IGF2R: variants seen among roughly 807,000 people sequenced by gnomAD.
IGF2R encodes cation-independent mannose-6-phosphate receptor.
A neutral mutation model predicts 270.6 loss-of-function variants in IGF2R; 91 were observed. The observed-to-expected ratio is 0.34, with a 90% CI of 0.28 to 0.40. IGF2R has a LOEUF of 0.40. Among genes scored for constraint, IGF2R ranks in the 10% least tolerant of loss-of-function variants. IGF2R has a pLI of 1.00. For synonymous variants in IGF2R, 1,316 were observed against 1,258.9 expected (o/e 1.05, Z -0.96); for missense variants, 2,805 against 3,188.3 (o/e 0.88, Z 2.90).
intron 1 of IGF2R, among the ~76,000 whole-genome samples, chr6:159,986,419 T>A (rs1783885818): frequency 9.0e-6 from 1 of 110,728 alleles, no homozygotes; most frequent in African/African-American, 3.3e-5. Flanking sequence ...TGTGTGTGTG[T>A]GTGTGTGTGT....
rs8191779 is a variant in IGF2R at position 160,043,496 on chromosome 6, G to T, written c.1621+208G>T. 6.4e-3 allele frequency among the ~76,000 whole-genome samples: 970 copies of T among 152,326 alleles called. 6 individuals are homozygous for T. The highest frequency in any genetic ancestry group is 0.011 in the Non-Finnish European group (733 of 68,024). Reference sequence around the variant, plus strand: ...GAAGTTGGCTAGAGCTCCCTGACATGGGCTAAAGCCATAACTGGGAACAGA... The same window carrying T: ...GAAGTTGGCTAGAGCTCCCTGACATTGGCTAAAGCCATAACTGGGAACAGA... On this transcript the variant is annotated intron_variant, in intron 12 of 47. Transcript: ENST00000356956.
rs200914162 is a variant in IGF2R, at chr6:160,032,666, A to G, written c.998A>G (p.Glu333Gly). Residue 333 changes from glutamate to glycine, a missense_variant, in exon 8 of 48, where the codon GAG becomes GGG. Physicochemically the swap from Glu to Gly is moderately conservative, Grantham distance 98. Coordinates refer to ENST00000356956, the MANE Select transcript of IGF2R (RefSeq NM_000876.4). ...AGTAAAACTTGTTCTCTGAGCGGCG[A>G]GCAGCAGGATGTCTCCATAGACCTC... Reference protein sequence around the residue: ...LESKTCSLSGEQQDVSIDLTP... With the variant: ...LESKTCSLSGGQQDVSIDLTP... 2.1e-4 allele frequency: 333 copies of G among 1,614,202 alleles called. 2 individuals carry two copies. The highest frequency in any genetic ancestry group is 1.6e-4 in the Middle Eastern group (1 of 6,062).
chr6:160,047,795 G>C lies in IGF2R; in HGVS notation c.2233G>C (p.Glu745Gln), dbSNP rs1562356648. 3.7e-6 allele frequency: 6 copies of C among 1,604,630 alleles called. No homozygotes were observed. The highest frequency in any genetic ancestry group is 5.1e-6 in the Non-Finnish European group (6 of 1,171,276). Reference protein sequence around the residue: ...AGVGFPEYQEEDNSTYNFRWY... With the variant: ...AGVGFPEYQEQDNSTYNFRWY... ...CCGCGCATCTGCCGTGGATTAGGAA[G>C]AGGATAACTCCACCTACAACTTCCG... The change falls in exon 17 of 48, where the codon GAG (glutamate) becomes CAG (glutamine). Residue 745 changes from glutamate to glutamine, a missense_variant. Physicochemically the swap from Glu to Gln is conservative, Grantham distance 29 (BLOSUM62 2). This residue lies in a region of IGF2R where 954 missense variants were observed against 981.1 expected (regional missense o/e 0.97). Transcript: ENST00000356956.
intron 2 of IGF2R, among the ~76,000 whole-genome samples, chr6:160,000,840 A>G (rs1784118341): frequency 6.9e-6 from 1 of 144,928 alleles, no homozygotes; most frequent in Admixed American, 7.2e-5. Context: ...GGTTTAAGCG[A>G]TTCTCCTGCT....
At chr6:160,010,316 C>T (rs8191736) in intron 3 of IGF2R, 4 of 169,120 alleles carry the variant, frequency 2.4e-5, no homozygotes, top group East Asian at 1.7e-4. Context: ...AGCCTTTTCA[C>T]GGGAAGCATG....
chr6:160,056,833 C>T (rs374890531), intron 20 of IGF2R, among the ~76,000 whole-genome samples: 21 of 152,288 alleles, frequency 1.4e-4, no homozygotes, highest in East Asian at 9.6e-4. Flanking sequence ...TCTGCACCAC[C>T]GGCAGATGTC....
rs1219610486 is a variant in IGF2R, at chr6:160,089,095, CCCT to C, written c.6321-5_6321-3del. ...GGGGAAGTGACTGTAGCCTGTGCTT[CCCT>C]CCTCCTAGGTTTGATATCGACAGCT... On this transcript the variant is annotated splice_polypyrimidine_tract_variant and intron_variant, in intron 42 of 47. Coordinates refer to ENST00000356956, the MANE Select transcript of IGF2R (RefSeq NM_000876.4). 1 of 1,609,770 alleles carries C rather than the reference CCCT, an allele frequency of 6.2e-7. No individual in the cohort carries two copies. Among genetic ancestry groups the C allele is most frequent in the African/African-American group, 1.3e-5 (1 of 74,818 alleles).
intron 19 of IGF2R, among the ~76,000 whole-genome samples, chr6:160,053,164 A>G (rs139298341): frequency 0.016 from 2,400 of 152,270 alleles, 50 homozygotes; most frequent in African/African-American, 0.055. Context: ...GCAAACTATC[A>G]TAAGGACAGA....
intron 1 of IGF2R, among the ~76,000 whole-genome samples, chr6:159,970,941 G>A (rs1783599767): frequency 1.3e-5 from 2 of 152,190 alleles, no homozygotes; most frequent in South Asian, 2.1e-4. Context: ...AGAGCCGGGC[G>A]CGGTGGCACA....
chr6:159,992,369 C>T (rs906252855), intron 2 of IGF2R, among the ~76,000 whole-genome samples: 11 of 152,110 alleles, frequency 7.2e-5, no homozygotes, highest in African/African-American at 2.7e-4. Context: ...AATTCCTCAC[C>T]CCCCAACCTT....
chr6:160,027,820 A>G (rs745769880), intron 6 of IGF2R, among the ~76,000 whole-genome samples: 14 of 152,216 alleles, frequency 9.2e-5, no homozygotes, highest in Non-Finnish European at 2.1e-4. Flanking sequence ...CTTGGCAGAC[A>G]TACGCATTTC....
intron 23 of IGF2R, among the ~76,000 whole-genome samples, chr6:160,061,130 C>T (rs1778429949): frequency 6.6e-6 from 1 of 152,172 alleles, no homozygotes; most frequent in East Asian, 1.9e-4. Flanking sequence ...TTGACCCTGC[C>T]TGCTCTGCAA....
At chr6:160,043,023 G>C (rs1418193889) in intron 11 of IGF2R, 125 bp from the exon 12 acceptor site, 17 of 968,374 alleles carry the variant, frequency 1.8e-5, no homozygotes, top group Non-Finnish European at 2.6e-5. Flanking sequence ...AACAGCGCTG[G>C]GGATTGAGTG....
chr6:160,074,768 G>A (rs1778819458), intron 35 of IGF2R, among the ~76,000 whole-genome samples: 2 of 152,136 alleles, frequency 1.3e-5, no homozygotes, highest in Non-Finnish European at 2.9e-5. Flanking sequence ...TAGAAAGATG[G>A]CCATTATATG....
Position 160,062,168 on chromosome 6 carries a change from A to ATTT in IGF2R, c.3582+261_3582+263dup, listed in dbSNP as rs34356477. Among the ~76,000 whole-genome samples, 90 of 106,598 alleles carry ATTT rather than the reference A, an allele frequency of 8.4e-4. 1 individual carries two copies. Among genetic ancestry groups the ATTT allele is most frequent in the Non-Finnish European group, 1.2e-3 (68 of 54,580 alleles). The allele number at this position is 106,598 out of a possible 152,430, so 69.9% of individuals were successfully genotyped here. ...ACTAACTGTGGCTATCATTTATTTA[A>ATTT]TTTTTTTTTTTTTTTTTTTTTTTGA... On this transcript the variant is annotated intron_variant, in intron 25 of 47. Transcript: ENST00000356956.
In IGF2R at chr6:159,991,190, A is replaced by G. The variant is rs573268877; in HGVS notation, c.156A>G (p.Thr52=). ...AAPFPELCSY[T]WEAVDTKNNV... is the part of the protein sequence containing the mutation. ...TGTTTTTCTTCCTTTCCAGTTATAC[A>G]TGGGAAGCTGTTGATACCAAAAATA... Residue 52 remains threonine, a synonymous_variant, in exon 2 of 48, where the codon ACA becomes ACG. Transcript: ENST00000356956. The G allele has an allele frequency of 3.1e-6, 5 of 1,608,704 alleles. No individual in the cohort carries two copies. In the Admixed American group the frequency reaches 5.1e-5, roughly 16 times the overall value.
chr6:159,979,958 G>A (rs1783753855), intron 1 of IGF2R, among the ~76,000 whole-genome samples: 2 of 152,122 alleles, frequency 1.3e-5, no homozygotes, highest in African/African-American at 4.8e-5. Context: ...TTGGGAGGCC[G>A]AGGCGGGTGG....
In IGF2R at chr6:160,072,017, G is replaced by T; in HGVS notation, c.4551G>T (p.Gln1517His). ...PMKSNEHDDC[Q>H]VTNPSTGHLF... ...AGAGCAACGAGCATGATGACTGCCAGGTCACCAACCCAAGCACAGGTGAGA... is the reference window on the plus strand; with the variant it reads ...AGAGCAACGAGCATGATGACTGCCATGTCACCAACCCAAGCACAGGTGAGA... The change falls in exon 32 of 48, where the codon CAG (glutamine) becomes CAT (histidine). Residue 1517 changes from glutamine (Q) to histidine (H), a missense_variant. Around this residue, in one of 2 missense-constraint regions of IGF2R, gnomAD observed 1,851 missense variants for 2,207.2 expected, o/e 0.84. Coordinates refer to ENST00000356956, the MANE Select transcript of IGF2R (RefSeq NM_000876.4). 1 of 1,614,150 alleles carries T rather than the reference G, an allele frequency of 6.2e-7. No homozygotes were observed.
At chr6:160,103,245 C>G (rs909293722) in intron 46 of IGF2R, among the ~76,000 whole-genome samples, 1 of 151,862 alleles carries the variant, frequency 6.6e-6, no homozygotes, top group Non-Finnish European at 1.5e-5. Context: ...TCAGAAAGTA[C>G]CAACCATGGA....
Sources: gnomAD v4.1 joint callset for allele counts (sites outside exome capture counted in the v4.1 genomes callset) on GRCh38, gnomAD v4.1.1 for gene constraint, gnomAD v4.1.1 regional missense constraint, MANE v1.5 for transcripts, NCBI Gene and HGNC (gene_info 2026-07-23, HGNC 2026-07-21) for gene names.